PSMA5: variants seen among roughly 807,000 people sequenced by gnomAD.
The protein encoded by PSMA5 is proteasome subunit alpha type-5.
In PSMA5, 3 loss-of-function variants were observed where a neutral mutation model predicts 34.5. The observed-to-expected ratio is 0.09, with a 90% CI of 0.04 to 0.22. The LOEUF (loss-of-function observed/expected upper bound fraction) is 0.22, where lower values mean the gene tolerates loss of function less well. PSMA5 is among the 10% of genes least tolerant of loss of function. The probability of loss-of-function intolerance (pLI) is 1.00; values close to 1 mark genes in which losing one functional copy is unlikely to be tolerated. For missense variants in PSMA5, 120 were observed against 286.1 expected (o/e 0.42, Z 4.19); for synonymous variants, 88 against 95.8 (o/e 0.92, Z 0.47).
intron 2 of PSMA5, among the ~76,000 whole-genome samples, chr1:109,416,201 CTAA>C (rs1195003156): frequency 2.0e-5 from 3 of 152,184 alleles, no homozygotes; most frequent in Admixed American, 6.5e-5. Flanking sequence ...CAATGTATCT[CTAA>C]TGTTATAACC....
intron 8 of PSMA5, among the ~76,000 whole-genome samples, chr1:109,404,586 CCTTCAGG>C (rs1198658960): frequency 6.6e-6 from 1 of 152,104 alleles, no homozygotes; most frequent in Non-Finnish European, 1.5e-5. Flanking sequence ...CCAAGGACTG[CCTTCAGG>C]AAGTTGCTCA....
rs1653547776 is a variant in PSMA5, at chr1:109,401,922, A to T, written c.*91T>A. 7.1e-6 allele frequency: 7 copies of T among 984,918 alleles called. No homozygotes were observed. Among genetic ancestry groups the T allele is most frequent in the Non-Finnish European group, 1.1e-5 (7 of 657,182 alleles). 61.0% of individuals were successfully genotyped at this position (984,918 alleles called of 1,614,324 possible). A position where few individuals can be genotyped will look rare whatever the true frequency, so the allele number is the denominator to read the frequency against. On this transcript the variant is annotated 3_prime_UTR_variant, in exon 9 of 9. Transcript: ENST00000271308. ...CATTTAAAAAATGCACATACAATGG[A>T]GATTTTCCAAGGAACAGGAGCTGGA...
rs75180470 is a variant in PSMA5 at position 109,417,461 on chromosome 1, A to C, written c.97-2098T>G. 5.0e-3 allele frequency among the ~76,000 whole-genome samples: 764 copies of C among 152,362 alleles called. 10 individuals carry two copies. Among genetic ancestry groups the C allele is most frequent in the African/African-American group, 0.018 (733 of 41,588 alleles). On this transcript the variant is annotated intron_variant, in intron 2 of 8. Transcript: ENST00000271308. The stretch of plus-strand genomic sequence containing the variant: ...AAATTGCAAGGTGGTTCAATGTTTA[A>C]GAAACAGATTCCCGGATCCCCTCCC...
At chr1:109,421,807 C>CA (rs977508562) in intron 2 of PSMA5, 53 bp downstream of exon 2, 30 of 1,413,202 alleles carry the variant, frequency 2.1e-5, no homozygotes, top group Non-Finnish European at 2.5e-5. Context: ...GTTCTGCCAG[C>CA]AAAATGTTAG....
intron 2 of PSMA5, among the ~76,000 whole-genome samples, chr1:109,421,228 T>G (rs1420873890): frequency 6.6e-6 from 1 of 151,500 alleles, no homozygotes; most frequent in Non-Finnish European, 1.5e-5. Context: ...GTCCCTAAGG[T>G]GACTTTACCA....
chr1:109,425,421 A>G (rs1296605167), intron 1 of PSMA5: 1 of 152,196 alleles, frequency 6.6e-6, no homozygotes, highest in Non-Finnish European at 1.5e-5. Context: ...CAGTGGGGAA[A>G]TATGTCAAAA....
chr1:109,415,487 GAGA>G, intron 2 of PSMA5, 124 bp from the exon 3 acceptor site: 1 of 941,776 alleles, frequency 1.1e-6, no homozygotes. Flanking sequence ...TATAGGCAGA[GAGA>G]AGGAGCACCC....
At chr1:109,402,399 T>C (rs1375846703) in intron 8 of PSMA5, among the ~76,000 whole-genome samples, 2 of 152,234 alleles carry the variant, frequency 1.3e-5, no homozygotes, top group African/African-American at 4.8e-5. Flanking sequence ...GCAAAGTACA[T>C]GGAGTCAGTA....
At chr1:109,402,115 TA>T in intron 8 of PSMA5, 25 bp from the exon 9 acceptor site, 2 of 1,578,020 alleles carry the variant, frequency 1.3e-6, no homozygotes, top group Non-Finnish European at 8.7e-7. Flanking sequence ...GAAGGGTTAA[TA>T]AGCTGGGCTG....
intron 3 of PSMA5, among the ~76,000 whole-genome samples, chr1:109,413,823 T>A (rs1474158407): frequency 6.6e-6 from 1 of 152,150 alleles, no homozygotes; most frequent in East Asian, 1.9e-4. Context: ...AGATCACAAG[T>A]TCTGTCAATT....
Position 109,415,218 on chromosome 1 carries a change from G to A in PSMA5, c.223+19C>T, listed in dbSNP as rs2100966331. On this transcript the variant is annotated intron_variant, in intron 3 of 8. Coordinates refer to ENST00000271308, the MANE Select transcript of PSMA5 (RefSeq NM_002790.4). Reference sequence around the variant, plus strand: ...AACCCAGACCAGATCCTACAGAACAGCTTTCCTCCACTCCTTACCTATGTG... The same window carrying A: ...AACCCAGACCAGATCCTACAGAACAACTTTCCTCCACTCCTTACCTATGTG... The A allele has an allele frequency of 6.2e-7, 1 of 1,608,882 alleles. No homozygotes were observed. The highest frequency in any genetic ancestry group is 1.3e-5 in the African/African-American group (1 of 74,936).
intron 3 of PSMA5, 77 bp from the exon 4 acceptor site, chr1:109,413,212 T>G: frequency 7.2e-7 from 1 of 1,397,668 alleles, no homozygotes; most frequent in East Asian, 2.3e-5. Context: ...AATCCTGAAA[T>G]TCTGGATTGG....
chr1:109,416,456 G>A (rs1654203024), intron 2 of PSMA5, among the ~76,000 whole-genome samples: 1 of 152,110 alleles, frequency 6.6e-6, no homozygotes. Context: ...GTCTCCCCTG[G>A]AATACATTCT....
intron 7 of PSMA5, 21 bp downstream of exon 7, chr1:109,410,990 G>C (rs747096925): frequency 1.3e-6 from 2 of 1,530,718 alleles, no homozygotes; most frequent in South Asian, 2.3e-5. Flanking sequence ...AATAGTAAGA[G>C]TTGTGAGAAT....
At chr1:109,414,015 T>C (rs574623193) in intron 3 of PSMA5, among the ~76,000 whole-genome samples, 19 of 152,334 alleles carry the variant, frequency 1.2e-4, no homozygotes, top group Non-Finnish European at 2.1e-4. Context: ...TATTACCTCA[T>C]TGCTTAAAAC....
rs1653876205 is a variant in PSMA5, at chr1:109,408,567, A to G, written c.648+1361T>C. ...GGGCATCTAGCATAATACCTGCTAT[A>G]TAATGGGTACTCAATATGATGCTGA... On this transcript the variant is annotated intron_variant, in intron 8 of 8. Transcript: ENST00000271308. Among the ~76,000 whole-genome samples the G allele has an allele frequency of 2.0e-5, 3 of 152,264 alleles. No homozygotes were observed. In the South Asian group the frequency reaches 6.2e-4, roughly 32 times the overall value.
intron 2 of PSMA5, among the ~76,000 whole-genome samples, chr1:109,415,655 C>T (rs1363790946): frequency 6.6e-6 from 1 of 151,708 alleles, no homozygotes; most frequent in Non-Finnish European, 1.5e-5. Context: ...TTCCCAGAAC[C>T]CCAAAAGAGT....
chr1:109,426,351 G>T lies in PSMA5; in HGVS notation c.-21C>A, dbSNP rs1654660613. 1 of 1,613,956 alleles carries T rather than the reference G, an allele frequency of 6.2e-7. No homozygotes were observed. Among genetic ancestry groups the T allele is most frequent in the Non-Finnish European group, 8.5e-7 (1 of 1,179,966 alleles). On this transcript the variant is annotated 5_prime_UTR_variant, in exon 1 of 9. It adds an upstream start codon to the 5' untranslated region. Coordinates refer to ENST00000271308, the MANE Select transcript of PSMA5 (RefSeq NM_002790.4). ...AACATGGCGAGGGTAGGAGGAGGCA[G>T]CGGCTACGCGGGGATTCTGAGGACC...
At chr1:109,424,701 G>C (rs11102981) in intron 1 of PSMA5, among the ~76,000 whole-genome samples, 97,467 of 150,970 alleles carry the variant, frequency 0.65, 33,275 homozygotes, top group East Asian at 0.96. Context: ...TTAAACCCAG[G>C]CGGCAGGCCA....
Sources: allele counts gnomAD v4.1 joint callset (sites outside exome capture counted in the v4.1 genomes callset), GRCh38; gene constraint gnomAD v4.1.1; transcripts MANE v1.5; gene names NCBI Gene and HGNC (gene_info 2026-07-23, HGNC 2026-07-21).